The following NRXN3 variants were observed in gnomAD, a reference collection of about 807,000 sequenced individuals.
NRXN3 encodes the protein neurexin 3, also known as neurexin III.
A neutral mutation model predicts 137.6 loss-of-function variants in NRXN3; 32 were observed. The ratio of observed to expected loss-of-function variants is 0.23; its 90% CI spans 0.18 to 0.31. The LOEUF (loss-of-function observed/expected upper bound fraction) is 0.31, where lower values mean the gene tolerates loss of function less well. NRXN3 is among the 10% of genes least tolerant of loss of function. The pLI is 1.00. For missense variants in NRXN3, 1,574 were observed against 2,062.5 expected, an observed-to-expected ratio of 0.76 and a Z score of 4.59; for synonymous variants, 798 against 784.5, an observed-to-expected ratio of 1.02 and a Z score of -0.29.
intron 7 of NRXN3, among the ~76,000 whole-genome samples, chr14:78,710,971 A>G (rs914487827): frequency 6.6e-6 from 1 of 152,338 alleles, no homozygotes. Context: ...AAAAACACCC[A>G]AAAAATTAAT....
intron 16 of NRXN3, among the ~76,000 whole-genome samples, chr14:79,655,588 A>G (rs565792873): frequency 2.0e-5 from 3 of 152,112 alleles, no homozygotes; most frequent in South Asian, 4.1e-4. Context: ...CTTTTTTTTC[A>G]TGCAATACAT....
intron 4 of NRXN3, among the ~76,000 whole-genome samples, chr14:78,464,522 A>T (rs2095038936): frequency 6.6e-6 from 1 of 152,220 alleles, no homozygotes; most frequent in Admixed American, 6.5e-5. Flanking sequence ...CTGAAGGCTT[A>T]AACTAGACAG....
chr14:79,256,309 C>T (rs2076581496), intron 15 of NRXN3, among the ~76,000 whole-genome samples: 1 of 152,150 alleles, frequency 6.6e-6, no homozygotes, highest in Non-Finnish European at 1.5e-5. Flanking sequence ...GTAAAATTCT[C>T]AAACTGTTGA....
At chr14:79,008,949 G>A (rs764518340) in intron 15 of NRXN3, among the ~76,000 whole-genome samples, 2 of 152,004 alleles carry the variant, frequency 1.3e-5, no homozygotes, top group Admixed American at 1.3e-4. Context: ...GAGCCACCAC[G>A]CCTGGCCTGA....
chr14:79,306,219 G>A (rs2086038040), intron 15 of NRXN3, among the ~76,000 whole-genome samples: 1 of 151,984 alleles, frequency 6.6e-6, no homozygotes, highest in African/African-American at 2.4e-5. Flanking sequence ...CCATAGGTGG[G>A]GGATAAAAAA....
intron 8 of NRXN3, among the ~76,000 whole-genome samples, chr14:78,746,450 T>C (rs1241339161): frequency 1.3e-5 from 2 of 152,154 alleles, no homozygotes; most frequent in East Asian, 1.9e-4. Context: ...ACAATGGAGC[T>C]ATTCTGGGTA....
At chr14:78,306,602 G>A (rs1243897539) in intron 4 of NRXN3, among the ~76,000 whole-genome samples, 1 of 152,084 alleles carries the variant, frequency 6.6e-6, no homozygotes, top group South Asian at 2.1e-4. Flanking sequence ...AGGTGTGTAG[G>A]GCAGTGTATA....
chr14:79,806,807 GA>G (rs1187478065), intron 20 of NRXN3, among the ~76,000 whole-genome samples: 1 of 149,416 alleles, frequency 6.7e-6, no homozygotes, highest in Non-Finnish European at 1.5e-5. Flanking sequence ...AGATATTTTT[GA>G]GAGTCAACTG....
chr14:78,420,421 A>G (rs1057330359), intron 4 of NRXN3, among the ~76,000 whole-genome samples: 9 of 152,274 alleles, frequency 5.9e-5, no homozygotes, highest in South Asian at 2.1e-4. Context: ...AGGATGTTAT[A>G]GAGAGGGATG....
At chr14:78,879,330 A>AC (rs2099121890) in intron 10 of NRXN3, among the ~76,000 whole-genome samples, 1 of 152,204 alleles carries the variant, frequency 6.6e-6, no homozygotes, top group South Asian at 2.1e-4. Flanking sequence ...ACAGCAGTAT[A>AC]CCAGGGTTCC....
At chr14:79,691,695 TGAGAG>T (rs1310128312) in intron 17 of NRXN3, among the ~76,000 whole-genome samples, 2 of 151,960 alleles carry the variant, frequency 1.3e-5, no homozygotes, top group Non-Finnish European at 2.9e-5. Flanking sequence ...TGCAAACACT[TGAGAG>T]GAGAAGAAAA....
At chr14:78,248,560 T>C (rs757336552) in intron 2 of NRXN3, among the ~76,000 whole-genome samples, 10 of 152,100 alleles carry the variant, frequency 6.6e-5, no homozygotes, top group Non-Finnish European at 1.2e-4. Flanking sequence ...TCAGATACTG[T>C]AGTGAAGGGA....
intron 4 of NRXN3, among the ~76,000 whole-genome samples, chr14:78,456,799 C>CCCTTTCTTTCTTTCTTTCTT: frequency 1.0e-5 from 1 of 97,690 alleles, no homozygotes; most frequent in East Asian, 3.0e-4. Context: ...CTCTCTTTCT[C>CCCTTTCTTTCTTTCTTTCTT]TCTTTCTTTC....
chr14:79,520,971 T>G (rs977577133), intron 16 of NRXN3, among the ~76,000 whole-genome samples: 10 of 152,174 alleles, frequency 6.6e-5, no homozygotes, highest in Non-Finnish European at 1.0e-4. Context: ...TGCACATGTA[T>G]GTTTATTGCA....
chr14:79,785,173 C>G (rs1214338590), intron 19 of NRXN3, among the ~76,000 whole-genome samples: 2 of 152,158 alleles, frequency 1.3e-5, no homozygotes, highest in African/African-American at 4.8e-5. Context: ...ATACCTGGGA[C>G]ATACATTCTT....
chr14:79,519,319 A>T (rs551041126), intron 16 of NRXN3, among the ~76,000 whole-genome samples: 112 of 152,148 alleles, frequency 7.4e-4, no homozygotes, highest in African/African-American at 2.6e-3. Flanking sequence ...TCATGATGAG[A>T]TAATCTAATG....
At chr14:79,256,360 T>C (rs987853542) in intron 15 of NRXN3, among the ~76,000 whole-genome samples, 4 of 152,234 alleles carry the variant, frequency 2.6e-5, no homozygotes, top group African/African-American at 9.6e-5. Flanking sequence ...TAATTACTGT[T>C]GTCATTAGTC....
chr14:79,594,104 G>C (rs2097839023), intron 16 of NRXN3, among the ~76,000 whole-genome samples: 1 of 152,096 alleles, frequency 6.6e-6, no homozygotes, highest in Non-Finnish European at 1.5e-5. Flanking sequence ...AACTCCTACT[G>C]CCTTATCTGT....
At chr14:78,921,345 C>T (rs1182423925) in intron 10 of NRXN3, among the ~76,000 whole-genome samples, 1 of 152,184 alleles carries the variant, frequency 6.6e-6, no homozygotes, top group Non-Finnish European at 1.5e-5. Flanking sequence ...TAGGCAAACT[C>T]ATTGAAATGA....
Sources: gnomAD v4.1 joint callset for allele counts (sites outside exome capture counted in the v4.1 genomes callset) on GRCh38, gnomAD v4.1.1 for gene constraint, MANE v1.5 for transcripts, NCBI Gene and HGNC (gene_info 2026-07-23, HGNC 2026-07-21) for gene names.